Variants in FRMD3 observed in about 807,000 individuals in gnomAD.
FRMD3 encodes the protein FERM domain containing 3, also known as FERM domain-containing protein 3.
Under a neutral mutation model 70.2 loss-of-function variants are expected in FRMD3, and 33 were observed. That is an observed-to-expected ratio of 0.47 (90% CI 0.36 to 0.63). The LOEUF (loss-of-function observed/expected upper bound fraction) is 0.63, where lower values mean the gene tolerates loss of function less well. Ranked by LOEUF, FRMD3 falls within the 20% of genes least tolerant of loss-of-function variation. The pLI is 0.00. For synonymous variants in FRMD3, 279 were observed against 255.9 expected, an observed-to-expected ratio of 1.09 and a Z score of -0.86; for missense variants, 632 against 711.4, an observed-to-expected ratio of 0.89 and a Z score of 1.27.
At chr9:83,271,194 T>C (rs953082688) in intron 13 of FRMD3, among the ~76,000 whole-genome samples, 1 of 152,204 alleles carries the variant, frequency 6.6e-6, no homozygotes, top group Admixed American at 6.5e-5. Context: ...ACCAACAGAC[T>C]TGACAAGTAT....
At chr9:83,332,844 G>T (rs12555197) in intron 6 of FRMD3, among the ~76,000 whole-genome samples, 1 of 151,968 alleles carries the variant, frequency 6.6e-6, no homozygotes, top group Non-Finnish European at 1.5e-5. Flanking sequence ...GGAGGGTCAC[G>T]GGTGTTGTGG....
At chr9:83,301,008 A>T (rs919382709) in intron 10 of FRMD3, among the ~76,000 whole-genome samples, 2 of 152,226 alleles carry the variant, frequency 1.3e-5, no homozygotes, top group African/African-American at 4.8e-5. Flanking sequence ...GGCACTGGAC[A>T]CAAATATTAA....
intron 1 of FRMD3, among the ~76,000 whole-genome samples, chr9:83,460,778 A>AT (rs1045684534): frequency 9.2e-5 from 14 of 152,034 alleles, no homozygotes; most frequent in African/African-American, 2.9e-4. Context: ...ACTTTATTAG[A>AT]TTTTTTTGTT....
intron 3 of FRMD3, among the ~76,000 whole-genome samples, chr9:83,366,183 GA>G (rs947470941): frequency 1.3e-4 from 20 of 149,428 alleles, no homozygotes; most frequent in Non-Finnish European, 2.7e-4. Context: ...TCATATGGAA[GA>G]AAAAAAAACA....
chr9:83,492,468 G>A (rs1274774962), intron 1 of FRMD3, among the ~76,000 whole-genome samples: 2 of 152,146 alleles, frequency 1.3e-5, no homozygotes, highest in Non-Finnish European at 2.9e-5. Flanking sequence ...CAGGATGGTC[G>A]CAGCACAGAA....
chr9:83,438,884 C>A (rs993748534), intron 1 of FRMD3, among the ~76,000 whole-genome samples: 25 of 152,206 alleles, frequency 1.6e-4, no homozygotes, highest in African/African-American at 6.0e-4. Flanking sequence ...TGCACCTCAG[C>A]ATAGCCTTCC....
chr9:83,444,408 C>T (rs1827396037), intron 1 of FRMD3, among the ~76,000 whole-genome samples: 1 of 152,200 alleles, frequency 6.6e-6, no homozygotes, highest in Admixed American at 6.5e-5. Context: ...GCCCAGATTG[C>T]CTTGGAAAAT....
At chr9:83,535,850 T>A (rs1009537929) in intron 1 of FRMD3, among the ~76,000 whole-genome samples, 1 of 152,176 alleles carries the variant, frequency 6.6e-6, no homozygotes, top group Admixed American at 6.5e-5. Flanking sequence ...ACTTTGTAGT[T>A]CTATAGAAGG....
intron 13 of FRMD3, among the ~76,000 whole-genome samples, chr9:83,269,614 C>T (rs150458030): frequency 0.012 from 1,805 of 152,058 alleles, 38 homozygotes; most frequent in African/African-American, 0.041. Context: ...GAGGCTGAGG[C>T]AGGAGAATTG....
intron 1 of FRMD3, among the ~76,000 whole-genome samples, chr9:83,454,928 T>C (rs2131424342): frequency 6.6e-6 from 1 of 151,908 alleles, no homozygotes; most frequent in East Asian, 1.9e-4. Flanking sequence ...GCCACCATAC[T>C]CAGGCTTAGG....
At chr9:83,361,084 A>G (rs1337733951) in intron 3 of FRMD3, among the ~76,000 whole-genome samples, 2 of 152,362 alleles carry the variant, frequency 1.3e-5, no homozygotes, top group East Asian at 3.9e-4. Flanking sequence ...GGCTGAAACA[A>G]AAATCATAGC....
intron 1 of FRMD3, among the ~76,000 whole-genome samples, chr9:83,494,995 A>G (rs570900461): frequency 1.2e-4 from 18 of 152,306 alleles, no homozygotes; most frequent in African/African-American, 3.8e-4. Context: ...TAGAAAATAT[A>G]TTTCACCAGT....
At chr9:83,312,879 C>T (rs1227178665) in intron 7 of FRMD3, among the ~76,000 whole-genome samples, 6 of 152,070 alleles carry the variant, frequency 3.9e-5, no homozygotes, top group African/African-American at 7.2e-5. Context: ...CAAGCTGAGA[C>T]CTATAGGACT....
At chr9:83,575,982 G>A in the FRMD3 span, among the ~76,000 whole-genome samples, 2 of 152,014 alleles carry the variant, frequency 1.3e-5, no homozygotes, top group African/African-American at 2.4e-5. Flanking sequence ...GCTTTGGAAG[G>A]CCAAGGCGGG....
At chr9:83,326,571 G>C (rs1432270017) in intron 6 of FRMD3, among the ~76,000 whole-genome samples, 5 of 151,094 alleles carry the variant, frequency 3.3e-5, no homozygotes, top group Non-Finnish European at 5.9e-5. Context: ...CTGAGGCCCA[G>C]ACTCACCAAG....
chr9:83,293,857 C>T (rs1834549241), intron 12 of FRMD3, among the ~76,000 whole-genome samples: 1 of 152,174 alleles, frequency 6.6e-6, no homozygotes, highest in African/African-American at 2.4e-5. Context: ...CAGAGAAGAA[C>T]ATTTCTTCCC....
rs1294233547 is a variant in FRMD3 at position 83,247,953 on chromosome 9, C to T, written c.1759G>A (p.Val587Ile). 6.2e-6 allele frequency: 10 copies of T among 1,614,146 alleles called. No individual in the cohort carries two copies. The highest frequency in any genetic ancestry group is 5.9e-6 in the Non-Finnish European group (7 of 1,180,022). The change falls in exon 14 of 14, where the codon GTC becomes ATC. Residue 587 changes from valine to isoleucine, a missense_variant. By Grantham distance (29) the Val-to-Ile change is conservative. This residue lies in a region of FRMD3 where 418 missense variants were observed against 442.1 expected (regional missense o/e 0.95). Transcript: ENST00000304195. ...CPLKEWVAGK[V>I]HLILYMLGCS ...CCCAGCATGTAGAGGATGAGGTGGA[C>T]TTTCCCAGCCACCCACTCCTTGAGG...
chr9:83,448,604 G>A (rs979986287), intron 1 of FRMD3, among the ~76,000 whole-genome samples: 2 of 152,066 alleles, frequency 1.3e-5, no homozygotes, highest in African/African-American at 2.4e-5. Context: ...TATCTCAGAA[G>A]AGAAACAATT....
intron 1 of FRMD3, among the ~76,000 whole-genome samples, chr9:83,513,761 C>T (rs1829390547): frequency 6.6e-6 from 1 of 152,112 alleles, no homozygotes; most frequent in South Asian, 2.1e-4. Context: ...AACTGAGGTA[C>T]CCAGTTCATC....
Sources: gnomAD v4.1 joint callset for allele counts (sites outside exome capture counted in the v4.1 genomes callset) on GRCh38, gnomAD v4.1.1 for gene constraint, gnomAD v4.1.1 regional missense constraint, MANE v1.5 for transcripts, NCBI Gene and HGNC (gene_info 2026-07-23, HGNC 2026-07-21) for gene names.